The following DLGAP3 variants were observed in gnomAD, a reference collection of about 807,000 sequenced individuals.
DLGAP3 encodes the protein DLG associated protein 3.
In DLGAP3, 17 loss-of-function variants were observed where a neutral mutation model predicts 81.2. That is an observed-to-expected ratio of 0.21 (90% CI 0.14 to 0.31). The LOEUF is 0.31. Among genes scored for constraint, DLGAP3 ranks in the 10% least tolerant of loss-of-function variants. The pLI is 1.00. For synonymous variants in DLGAP3, 577 were observed against 587.4 expected, an observed-to-expected ratio of 0.98 and a Z score of 0.26; for missense variants, 1,124 against 1,388.0, an observed-to-expected ratio of 0.81 and a Z score of 3.02.
At chr1:34,923,174 C>T (rs919524206) in intron 1 of DLGAP3, among the ~76,000 whole-genome samples, 3 of 152,132 alleles carry the variant, frequency 2.0e-5, no homozygotes, top group African/African-American at 7.2e-5. Context: ...CTCCCAGCAC[C>T]TCTGGGTAAA....
Position 34,895,365 on chromosome 1 carries a change from C to CAAA in DLGAP3, c.1386+4301_1386+4303dup, listed in dbSNP as rs547362741. On this transcript the variant is annotated intron_variant, in intron 5 of 11. Transcript: ENST00000373347. The surrounding 1 kb of genome is among the most constrained non-coding windows in gnomAD (Gnocchi z 4.5). ...CCTGGGCGACAGAGCGAGACTGTCT[C>CAAA]AAAAAAAAAAAAAAATTAAAATAAT... Among the ~76,000 whole-genome samples, 4 of 86,980 alleles carry CAAA rather than the reference C, an allele frequency of 4.6e-5. No homozygotes were observed. Among genetic ancestry groups the CAAA allele is most frequent in the Admixed American group, 4.6e-4 (4 of 8,740 alleles). The allele number at this position is 86,980 out of a possible 152,430, so 57.1% of individuals were successfully genotyped here.
At chr1:34,925,978 G>A (rs927737228) in intron 1 of DLGAP3, among the ~76,000 whole-genome samples, 2 of 152,204 alleles carry the variant, frequency 1.3e-5, no homozygotes, top group Admixed American at 6.5e-5. Context: ...CAGTATTCAG[G>A]CACAAGCATG....
chr1:34,899,715 G>GGGT lies in DLGAP3; in HGVS notation c.1337_1339dup (p.His446dup). 1 of 1,614,072 alleles carries GGGT rather than the reference G, an allele frequency of 6.2e-7. No individual in the cohort carries two copies. Among genetic ancestry groups the GGGT allele is most frequent in the Non-Finnish European group, 8.5e-7 (1 of 1,180,018 alleles). ...GCTGTAGCCAGGGATGGAGCTCCGG[G>GGGT]GGTGGATCCGGGGTGGGACACAGCA... On this transcript the variant is annotated inframe_insertion, in exon 5 of 12. Transcript: ENST00000373347.
Position 34,865,721 on chromosome 1 carries a change from G to A in DLGAP3, c.*362C>T. On this transcript the variant is annotated 3_prime_UTR_variant, in exon 12 of 12. Transcript: ENST00000373347. ...CCCACGAAGCCCAGCCCCGCGGGGT[G>A]GGGGAGGGGGGGACGCAGAGCCCAG... 3.0e-6 allele frequency: 1 copy of A among 332,082 alleles called. No individual in the cohort carries two copies. The highest frequency in any genetic ancestry group is 2.4e-5 in the South Asian group (1 of 40,844). The allele number at this position is 332,082 out of a possible 1,614,324, so 20.6% of individuals were successfully genotyped here.
At chr1:34,887,407 TA>T (rs66505362) in intron 5 of DLGAP3, among the ~76,000 whole-genome samples, 27,446 of 144,132 alleles carry the variant, frequency 0.19, 3,742 homozygotes, top group East Asian at 0.7. Flanking sequence ...TCCATGGTGT[TA>T]AAAAAAAAAA....
chr1:34,883,649 C>A (rs1639177240), intron 8 of DLGAP3, among the ~76,000 whole-genome samples: 1 of 152,182 alleles, frequency 6.6e-6, no homozygotes, highest in Non-Finnish European at 1.5e-5. Flanking sequence ...GTTTGGTGAA[C>A]AGCAGGTTTA....
rs1210409067 is a variant in DLGAP3, at chr1:34,876,324, C to T, written c.2001-7235G>A. The stretch of plus-strand genomic sequence containing the variant: ...CCTCACCCAAGAGGTGAGCAGGGAA[C>T]ACCCTGAAAGGCAGAAGAGAAGAGA... On this transcript the variant is annotated intron_variant, in intron 8 of 11. Coordinates refer to ENST00000373347, the MANE Select transcript of DLGAP3 (RefSeq NM_001080418.3). Among the ~76,000 whole-genome samples, 3 of 152,224 alleles carry T rather than the reference C, an allele frequency of 2.0e-5. No individual in the cohort carries two copies. The East Asian group carries it at 5.8e-4, about 29-fold the overall frequency.
At chr1:34,915,401 G>A (rs537325403) in intron 1 of DLGAP3, among the ~76,000 whole-genome samples, 1 of 152,296 alleles carries the variant, frequency 6.6e-6, no homozygotes, top group Admixed American at 6.5e-5. Context: ...TCAAAGAATA[G>A]CAGGTAGGAG....
At chr1:34,886,877 A>T (rs1174485255) in intron 5 of DLGAP3, among the ~76,000 whole-genome samples, 1 of 149,982 alleles carries the variant, frequency 6.7e-6, no homozygotes, top group African/African-American at 2.4e-5. Flanking sequence ...GGCAGGATGG[A>T]AACTAATGCG....
At chr1:34,914,797 G>C (rs186390400) in intron 1 of DLGAP3, among the ~76,000 whole-genome samples, 4 of 152,338 alleles carry the variant, frequency 2.6e-5, no homozygotes, top group African/African-American at 7.2e-5. Context: ...TTGGGCAAAG[G>C]CTGTAACTAT....
At chr1:34,917,263 G>A (rs919212850) in intron 1 of DLGAP3, among the ~76,000 whole-genome samples, 7 of 151,682 alleles carry the variant, frequency 4.6e-5, no homozygotes, top group African/African-American at 7.3e-5. Context: ...TCACTGTCAC[G>A]CTGTATACCC....
At chr1:34,896,140 AAAC>A (rs1256570162) in intron 5 of DLGAP3, among the ~76,000 whole-genome samples, 12 of 152,230 alleles carry the variant, frequency 7.9e-5, no homozygotes, top group East Asian at 3.8e-4. Flanking sequence ...TTTGTTCTCC[AAAC>A]AACAACATAA....
At chr1:34,907,785 T>C (rs1186016211) in intron 1 of DLGAP3, among the ~76,000 whole-genome samples, 1 of 151,720 alleles carries the variant, frequency 6.6e-6, no homozygotes, top group Non-Finnish European at 1.5e-5. Context: ...AGCAAGAGAG[T>C]GAGAAGTGTA....
At chr1:34,887,744 G>A (rs1639256342) in intron 5 of DLGAP3, among the ~76,000 whole-genome samples, 1 of 152,214 alleles carries the variant, frequency 6.6e-6, no homozygotes. Flanking sequence ...TCAAGTGCTG[G>A]CTCTACCACT....
At chr1:34,886,609 C>T (rs1639235817) in intron 5 of DLGAP3, among the ~76,000 whole-genome samples, 1 of 151,704 alleles carries the variant, frequency 6.6e-6, no homozygotes, top group African/African-American at 2.4e-5. Context: ...TTCTCTCCAC[C>T]TAGTCCCATC....
In DLGAP3 at chr1:34,902,070, G is replaced by A. The variant is rs187058755; in HGVS notation, c.1108-1797C>T. On this transcript the variant is annotated intron_variant, in intron 3 of 11. Transcript: ENST00000373347. This position sits in a 1 kb window ranked among gnomAD's most constrained non-coding sequence, Gnocchi z 4.4. ...CGAGGGTGGCTGGGAATTTGGATGC[G>A]TCTAGAGAGATGCTGTCAGGAAGCT... Among the ~76,000 whole-genome samples, 6 of 152,158 alleles carry A rather than the reference G, an allele frequency of 3.9e-5. No homozygotes were observed. The South Asian group carries it at 6.2e-4, about 16-fold the overall frequency.
At chr1:34,876,600 G>A (rs558622666) in intron 8 of DLGAP3, among the ~76,000 whole-genome samples, 2 of 152,308 alleles carry the variant, frequency 1.3e-5, no homozygotes, top group South Asian at 2.1e-4. Context: ...GGACTGTGCA[G>A]GTGTATGACT....
intron 8 of DLGAP3, among the ~76,000 whole-genome samples, chr1:34,878,136 C>A (rs1344491110): frequency 6.6e-6 from 1 of 152,088 alleles, no homozygotes; most frequent in Non-Finnish European, 1.5e-5. Flanking sequence ...GAAACCCTGT[C>A]TCTCCTAAAA....
At position 34,905,288 on chromosome 1, in the gene DLGAP3, TG is replaced by T. The variant is rs2148412849; in HGVS notation, c.95del (p.Pro32HisfsTer32). The T allele has an allele frequency of 8.2e-7, 1 of 1,223,838 alleles. No homozygotes were observed. Among genetic ancestry groups the T allele is most frequent in the Non-Finnish European group, 1.1e-6 (1 of 895,750 alleles). The allele number at this position is 1,223,838 out of a possible 1,614,324, so 75.8% of individuals were successfully genotyped here. A position where few individuals can be genotyped will look rare whatever the true frequency, so the allele number is the denominator to read the frequency against. On this transcript the variant is annotated frameshift_variant, in exon 3 of 12. Transcript: ENST00000373347. LOFTEE classifies it high-confidence loss of function. ...HMDVGPAARAPYLLGSREAFS... is the reference protein window; with the variant it reads ...HMDVGPAARAXYLLGSREAFS... ...AGGCCTCCCTGGAGCCCAGCAGGTA[TG>T]GGGCCCTGGCAGCAGGGCCCACGTC...
Sources: gnomAD v4.1 joint callset for allele counts (sites outside exome capture counted in the v4.1 genomes callset) on GRCh38, gnomAD v4.1.1 for gene constraint, Gnocchi (gnomAD v3.1) non-coding constraint, MANE v1.5 for transcripts, NCBI Gene and HGNC (gene_info 2026-07-23, HGNC 2026-07-21) for gene names.